CFAP299: variants seen among roughly 807,000 people sequenced by gnomAD.
CFAP299 encodes cilia and flagella associated protein 299, also known as cilia- and flagella-associated protein 299.
CFAP299 carries 21 observed loss-of-function variants against 27.0 expected under a neutral mutation model. The ratio of observed to expected loss-of-function variants is 0.78; its 90% CI spans 0.55 to 1.12. The LOEUF is 1.12. Ranked by LOEUF, CFAP299 falls within the 50% of genes most tolerant of loss-of-function variation. The probability of loss-of-function intolerance (pLI) is 0.00; values close to 1 mark genes in which losing one functional copy is unlikely to be tolerated. For synonymous variants in CFAP299, 104 were observed against 98.1 expected (o/e 1.06, Z -0.36); for missense variants, 310 against 276.6 (o/e 1.12, Z -0.86).
chr4:80,702,382 C>A (rs1721550228), intron 3 of CFAP299, among the ~76,000 whole-genome samples: 1 of 151,738 alleles, frequency 6.6e-6, no homozygotes, highest in African/African-American at 2.4e-5. Flanking sequence ...CTTAGAAATG[C>A]AAATAAATAA....
rs573283920 is a variant in CFAP299, at chr4:80,712,282, G to C, written c.333+129099G>C. Reference sequence around the variant, plus strand: ...AAATACCATCTGAATTACAATTGTAGCATACTGAGAAAAAGAAGTGTTACT... The same window carrying C: ...AAATACCATCTGAATTACAATTGTACCATACTGAGAAAAAGAAGTGTTACT... On this transcript the variant is annotated intron_variant, in intron 3 of 5. Transcript: ENST00000358105. Among the ~76,000 whole-genome samples the C allele has an allele frequency of 3.3e-5, 5 of 152,254 alleles. No individual in the cohort carries two copies. In the South Asian group the frequency reaches 8.3e-4, roughly 25 times the overall value.
chr4:80,772,806 A>G (rs996629268), intron 3 of CFAP299, among the ~76,000 whole-genome samples: 3 of 152,148 alleles, frequency 2.0e-5, no homozygotes, highest in Admixed American at 2.0e-4. Context: ...GAGTGAGAAC[A>G]TGCAGCGTTT....
chr4:80,890,115 G>A (rs1335583386), intron 4 of CFAP299, among the ~76,000 whole-genome samples: 1 of 152,012 alleles, frequency 6.6e-6, no homozygotes, highest in Non-Finnish European at 1.5e-5. Context: ...AATAGTACTG[G>A]AAGTCCTAGC....
intron 2 of CFAP299, among the ~76,000 whole-genome samples, chr4:80,557,847 A>G (rs1275274970): frequency 2.0e-5 from 3 of 152,172 alleles, no homozygotes; most frequent in Non-Finnish European, 4.4e-5. Context: ...AAAGAGCATC[A>G]TCACATATTT....
chr4:80,642,938 G>A (rs900908271), intron 3 of CFAP299, among the ~76,000 whole-genome samples: 2 of 151,984 alleles, frequency 1.3e-5, no homozygotes, highest in African/African-American at 4.8e-5. Flanking sequence ...GTGGGGTGGG[G>A]ACAGTAAAGG....
chr4:80,352,039 C>A (rs904164977), intron 1 of CFAP299, among the ~76,000 whole-genome samples: 17 of 151,686 alleles, frequency 1.1e-4, no homozygotes, highest in Non-Finnish European at 2.5e-4. Context: ...GCAAAGTAGA[C>A]CTCAGAACTA....
At chr4:80,712,992 A>T (rs1297575094) in intron 3 of CFAP299, among the ~76,000 whole-genome samples, 1 of 152,080 alleles carries the variant, frequency 6.6e-6, no homozygotes, top group African/African-American at 2.4e-5. Flanking sequence ...TAGTATGTCA[A>T]GCAGTGTGCT....
At chr4:80,799,366 T>TTA (rs1203164411) in intron 3 of CFAP299, among the ~76,000 whole-genome samples, 2 of 98,854 alleles carry the variant, frequency 2.0e-5, no homozygotes, top group African/African-American at 8.6e-5. Flanking sequence ...TATATAATAT[T>TTA]TATATATATA....
chr4:80,545,837 A>G (rs961178247), intron 2 of CFAP299, among the ~76,000 whole-genome samples: 2 of 152,236 alleles, frequency 1.3e-5, no homozygotes, highest in African/African-American at 4.8e-5. Flanking sequence ...CATAGATGCA[A>G]AAATGCTCAA....
At chr4:80,675,784 G>T (rs1425748488) in intron 3 of CFAP299, among the ~76,000 whole-genome samples, 1 of 152,200 alleles carries the variant, frequency 6.6e-6, no homozygotes, top group Non-Finnish European at 1.5e-5. Flanking sequence ...TGCCTTGCAG[G>T]TCAATCTCAG....
chr4:80,680,653 C>CGAA (rs1479458729), intron 3 of CFAP299, among the ~76,000 whole-genome samples: 1 of 152,074 alleles, frequency 6.6e-6, no homozygotes, highest in Non-Finnish European at 1.5e-5. Context: ...TCTGATGTTC[C>CGAA]ACATGGGATT....
chr4:80,901,750 C>A (rs983894678), intron 4 of CFAP299, among the ~76,000 whole-genome samples: 1 of 152,064 alleles, frequency 6.6e-6, no homozygotes, highest in Admixed American at 6.6e-5. Context: ...CACTTCATTT[C>A]TTTCATATAT....
intron 2 of CFAP299, chr4:80,386,208 A>G: frequency 1.1e-6 from 1 of 943,248 alleles, no homozygotes; most frequent in South Asian, 1.6e-5. Context: ...AGATGAGCAC[A>G]GCGAGCATGG....
chr4:80,507,143 T>C (rs940332150), intron 2 of CFAP299, among the ~76,000 whole-genome samples: 14 of 152,130 alleles, frequency 9.2e-5, no homozygotes, highest in African/African-American at 3.4e-4. Flanking sequence ...GCTCATACTC[T>C]CATGGAGGCT....
chr4:80,854,004 C>T (rs1220691932), intron 3 of CFAP299, among the ~76,000 whole-genome samples: 1 of 152,044 alleles, frequency 6.6e-6, no homozygotes, highest in Non-Finnish European at 1.5e-5. Context: ...ATAAGATCAA[C>T]TGGTGTGTGA....
chr4:80,405,175 G>GC (rs1726353874), intron 2 of CFAP299, among the ~76,000 whole-genome samples: 1 of 152,128 alleles, frequency 6.6e-6, no homozygotes, highest in Non-Finnish European at 1.5e-5. Flanking sequence ...ACTTCTGCAG[G>GC]AAAAACATAC....
intron 3 of CFAP299, among the ~76,000 whole-genome samples, chr4:80,608,097 A>G (rs530643730): frequency 8.7e-4 from 132 of 152,240 alleles, no homozygotes; most frequent in African/African-American, 2.9e-3. Context: ...ATGTGTGTGT[A>G]TATATACACA....
intron 3 of CFAP299, among the ~76,000 whole-genome samples, chr4:80,821,452 A>G (rs1273445706): frequency 6.6e-6 from 1 of 152,202 alleles, no homozygotes; most frequent in Non-Finnish European, 1.5e-5. Context: ...ACAAGCTTCT[A>G]AAGAAAAGAA....
intron 3 of CFAP299, among the ~76,000 whole-genome samples, chr4:80,679,439 G>A (rs761370329): frequency 6.6e-6 from 1 of 151,974 alleles, no homozygotes. Flanking sequence ...TGAATGTCCA[G>A]GAGTGTGAAT....
Sources: allele counts gnomAD v4.1 joint callset (sites outside exome capture counted in the v4.1 genomes callset), GRCh38; gene constraint gnomAD v4.1.1; transcripts MANE v1.5; gene names NCBI Gene and HGNC (gene_info 2026-07-23, HGNC 2026-07-21).